RHEB: variants seen among roughly 807,000 people sequenced by gnomAD.
RHEB encodes the protein Ras homolog, mTORC1 binding, also known as GTP-binding protein Rheb.
RHEB carries 2 observed loss-of-function variants against 28.8 expected under a neutral mutation model. That is an observed-to-expected ratio of 0.07 (90% confidence interval 0.03 to 0.22). The LOEUF is 0.22. RHEB is among the 10% of genes least tolerant of loss of function. The pLI is 1.00. For synonymous variants in RHEB, 69 were observed against 77.3 expected (o/e 0.89, Z 0.56); for missense variants, 76 against 219.9 (o/e 0.35, Z 4.14).
intron 2 of RHEB, among the ~76,000 whole-genome samples, 150 bp downstream of exon 2, chr7:151,490,790 TAAA>T (rs1802566960): frequency 6.6e-6 from 1 of 152,214 alleles, no homozygotes. Flanking sequence ...TCTTTCAGGG[TAAA>T]GTAGGTAAAT....
chr7:151,519,193 C>G (rs1387883008), intron 1 of RHEB: 1 of 166,730 alleles, frequency 6.0e-6, no homozygotes, highest in Non-Finnish European at 1.3e-5. Context: ...CGACGGCCCC[C>G]GCCCCGCGCC....
chr7:151,510,894 CA>C (rs1267539213), intron 1 of RHEB, among the ~76,000 whole-genome samples: 4 of 151,900 alleles, frequency 2.6e-5, no homozygotes, highest in Non-Finnish European at 5.9e-5. Context: ...GTCGAGGCAA[CA>C]AGTAAGACCT....
intron 1 of RHEB, among the ~76,000 whole-genome samples, chr7:151,495,175 C>T (rs1802652326): frequency 6.6e-6 from 1 of 152,172 alleles, no homozygotes; most frequent in Non-Finnish European, 1.5e-5. Flanking sequence ...TACTCGCTTG[C>T]TGAAGATAAT....
chr7:151,502,860 A>T, intron 1 of RHEB: 2 of 919,252 alleles, frequency 2.2e-6, no homozygotes, highest in Non-Finnish European at 3.7e-6. Context: ...GCTGACTTTG[A>T]ACTAAGTCAA....
At chr7:151,516,119 T>C (rs1803073395) in intron 1 of RHEB, among the ~76,000 whole-genome samples, 1 of 152,174 alleles carries the variant, frequency 6.6e-6, no homozygotes, top group African/African-American at 2.4e-5. Flanking sequence ...GCTGGTACTT[T>C]TGGCCATCAC....
chr7:151,489,869 T>A, intron 2 of RHEB, among the ~76,000 whole-genome samples: 1 of 152,272 alleles, frequency 6.6e-6, no homozygotes, highest in Non-Finnish European at 1.5e-5. Context: ...CTTGCTGGCC[T>A]GCAGGCTGTC....
At chr7:151,516,379 C>T (rs1803078228) in intron 1 of RHEB, among the ~76,000 whole-genome samples, 1 of 152,014 alleles carries the variant, frequency 6.6e-6, no homozygotes, top group African/African-American at 2.4e-5. Flanking sequence ...AATCCCAGCA[C>T]TTAGGGAGGC....
At chr7:151,467,267 T>G in intron 7 of RHEB, 56 bp from the exon 8 acceptor site, 3 of 1,298,496 alleles carry the variant, frequency 2.3e-6, no homozygotes, top group Non-Finnish European at 3.4e-6. Context: ...ACTCCGAGAG[T>G]ATTTTACGGA....
At chr7:151,470,519 C>A in intron 7 of RHEB, 52 bp downstream of exon 7, 1 of 1,262,150 alleles carries the variant, frequency 7.9e-7, no homozygotes, top group South Asian at 1.2e-5. Flanking sequence ...AGGAACACAT[C>A]CCTGCGACTG....
intron 1 of RHEB, among the ~76,000 whole-genome samples, chr7:151,496,254 G>A (rs1802669879): frequency 6.6e-6 from 1 of 152,084 alleles, no homozygotes; most frequent in Non-Finnish European, 1.5e-5. Flanking sequence ...CCCACCTCCT[G>A]AGCACACCAA....
At chr7:151,479,420 C>T (rs557909925) in intron 3 of RHEB, among the ~76,000 whole-genome samples, 7 of 152,248 alleles carry the variant, frequency 4.6e-5, no homozygotes, top group South Asian at 2.1e-4. Flanking sequence ...CAATGGCTCA[C>T]GTCTGTAATC....
chr7:151,489,003 T>C (rs1207993638), intron 2 of RHEB, among the ~76,000 whole-genome samples: 2 of 152,162 alleles, frequency 1.3e-5, no homozygotes, highest in East Asian at 1.9e-4. Flanking sequence ...TACAGTGACA[T>C]GATTACAGAT....
chr7:151,474,810 A>T (rs1802244429), intron 4 of RHEB, among the ~76,000 whole-genome samples: 1 of 152,228 alleles, frequency 6.6e-6, no homozygotes. Context: ...TAGAGGTTAA[A>T]TTCAATAAAA....
intron 1 of RHEB, among the ~76,000 whole-genome samples, chr7:151,509,476 C>A (rs565582984): frequency 1.3e-5 from 2 of 152,362 alleles, no homozygotes; most frequent in Admixed American, 1.3e-4. Flanking sequence ...CAGGCACTCA[C>A]ATGAGAAATC....
chr7:151,479,645 A>C (rs185467607), intron 3 of RHEB, among the ~76,000 whole-genome samples: 1 of 149,540 alleles, frequency 6.7e-6, no homozygotes, highest in Non-Finnish European at 1.5e-5. Flanking sequence ...ATCGCGCCAC[A>C]GCACTCCAGC....
At chr7:151,495,482 A>C (rs1802656523) in intron 1 of RHEB, among the ~76,000 whole-genome samples, 1 of 152,200 alleles carries the variant, frequency 6.6e-6, no homozygotes, top group Non-Finnish European at 1.5e-5. Flanking sequence ...ATTTTTTCCA[A>C]TGATAAAATG....
At chr7:151,481,226 C>CA (rs1802377688) in intron 3 of RHEB, among the ~76,000 whole-genome samples, 1 of 151,816 alleles carries the variant, frequency 6.6e-6, no homozygotes, top group East Asian at 1.9e-4. Context: ...ATATTTCATG[C>CA]AATCTAAAAA....
At chr7:151,497,998 C>T in intron 1 of RHEB, 1 of 620,554 alleles carries the variant, frequency 1.6e-6, no homozygotes, top group African/African-American at 1.9e-5. Context: ...TTGCTGGATG[C>T]TGCAGTAGTT....
At position 151,468,584 on chromosome 7, in the gene RHEB, C is replaced by T. The variant is rs1395543251; in HGVS notation, c.463-1373G>A. Among the ~76,000 whole-genome samples, 1 of 152,236 alleles carries T rather than the reference C, an allele frequency of 6.6e-6. No homozygotes were observed. Among genetic ancestry groups the T allele is most frequent in the Non-Finnish European group, 1.5e-5 (1 of 68,046 alleles). On this transcript the variant is annotated intron_variant, in intron 7 of 7. Coordinates refer to ENST00000262187, the MANE Select transcript of RHEB (RefSeq NM_005614.4). This position sits in a 1 kb window ranked among gnomAD's most constrained non-coding sequence, Gnocchi z 4.3. Reference sequence around the variant, plus strand: ...CTTGTCCCTTCTCCTCAAATGTTCCCCGTGCTTACGCTCAGCTGAAAACCT... The same window carrying T: ...CTTGTCCCTTCTCCTCAAATGTTCCTCGTGCTTACGCTCAGCTGAAAACCT...
Sources: allele counts gnomAD v4.1 joint callset (sites outside exome capture counted in the v4.1 genomes callset), GRCh38; gene constraint gnomAD v4.1.1; non-coding constraint Gnocchi (gnomAD v3.1); transcripts MANE v1.5; gene names NCBI Gene and HGNC (gene_info 2026-07-23, HGNC 2026-07-21).